The following ADGRL3 variants were observed in gnomAD, a reference collection of about 807,000 sequenced individuals.
ADGRL3 encodes the protein calcium-independent alpha-latrotoxin receptor 3.
A neutral mutation model predicts 153.5 loss-of-function variants in ADGRL3; 62 were observed. The ratio of observed to expected loss-of-function variants is 0.40; its 90% confidence interval spans 0.33 to 0.50. The LOEUF is 0.50. Ranked by LOEUF, ADGRL3 falls within the 20% of genes least tolerant of loss-of-function variation. ADGRL3 has a pLI of 0.47. For missense variants in ADGRL3, 1,641 were observed against 1,859.4 expected (o/e 0.88, Z 2.16); for synonymous variants, 710 against 672.5 (o/e 1.06, Z -0.86).
intron 6 of ADGRL3, among the ~76,000 whole-genome samples, chr4:61,681,317 A>G (rs150728996): frequency 2.8e-4 from 42 of 152,208 alleles, no homozygotes; most frequent in Middle Eastern, 6.8e-3. Flanking sequence ...GAGGCATACA[A>G]TTTCACGCAC....
At chr4:61,665,408 TAAAAAC>T (rs2094756304) in intron 5 of ADGRL3, among the ~76,000 whole-genome samples, 1 of 151,916 alleles carries the variant, frequency 6.6e-6, no homozygotes, top group Non-Finnish European at 1.5e-5. Context: ...GAAACTGTCT[TAAAAAC>T]AAAAACGAAA....
chr4:61,468,540 T>C (rs1478108990), intron 2 of ADGRL3, among the ~76,000 whole-genome samples: 1 of 152,186 alleles, frequency 6.6e-6, no homozygotes, highest in African/African-American at 2.4e-5. Context: ...TATCAAAGCC[T>C]TAACCTCAAA....
In ADGRL3 at chr4:61,201,219, G is replaced by C. The variant is rs1459896952; in HGVS notation, c.-786G>C. On this transcript the variant is annotated 5_prime_UTR_variant, in exon 1 of 27. Transcript: ENST00000683033. ...GAACTGGATATAAAGATCGGCTGGGGGGATGGTGGAAGATTTTTGGTCTCT... is the reference window on the plus strand; with the variant it reads ...GAACTGGATATAAAGATCGGCTGGGCGGATGGTGGAAGATTTTTGGTCTCT... The C allele has an allele frequency of 6.5e-6, 1 of 152,906 alleles. No individual in the cohort carries two copies. The highest frequency in any genetic ancestry group is 1.5e-5 in the Non-Finnish European group (1 of 68,162). The allele number at this position is 152,906 out of a possible 1,614,324, so 9.5% of individuals were successfully genotyped here.
chr4:61,283,259 A>G (rs1478291516), intron 1 of ADGRL3, among the ~76,000 whole-genome samples: 2 of 152,058 alleles, frequency 1.3e-5, no homozygotes, highest in Non-Finnish European at 2.9e-5. Context: ...TTTCTCTTCA[A>G]GTAACAAATG....
chr4:61,408,895 T>C (rs982976576), intron 2 of ADGRL3, among the ~76,000 whole-genome samples: 152 of 152,006 alleles, frequency 1.0e-3, no homozygotes, highest in African/African-American at 3.5e-3. Context: ...TTTTGTGGAT[T>C]AATTTCAAAT....
chr4:61,570,841 G>T (rs867007997), intron 4 of ADGRL3, among the ~76,000 whole-genome samples: 2 of 151,998 alleles, frequency 1.3e-5, no homozygotes, highest in African/African-American at 4.8e-5. Flanking sequence ...TTCTTGTCTT[G>T]TGTCTGTAGC....
rs76968899 is a variant in ADGRL3 at position 61,525,252 on chromosome 4, A to G, written c.259+7734A>G. Among the ~76,000 whole-genome samples, 262 of 152,234 alleles carry G rather than the reference A, an allele frequency of 1.7e-3. 9 individuals carry two copies. The East Asian group carries it at 0.043, about 25-fold the overall frequency. On this transcript the variant is annotated intron_variant, in intron 4 of 26. Coordinates refer to ENST00000683033, the MANE Select transcript of ADGRL3 (RefSeq NM_001387552.1). Reference sequence around the variant, plus strand: ...TATTTTAATTAACTCTTGAGAAAAAATTCCTAGGATAATTTGCAAGCATAG... The same window carrying G: ...TATTTTAATTAACTCTTGAGAAAAAGTTCCTAGGATAATTTGCAAGCATAG...
At chr4:61,458,315 G>A (rs1404453777) in intron 2 of ADGRL3, among the ~76,000 whole-genome samples, 1 of 151,084 alleles carries the variant, frequency 6.6e-6, no homozygotes, top group Non-Finnish European at 1.5e-5. Flanking sequence ...ATTTTTAAAT[G>A]TCAGCTAAAT....
At chr4:61,622,098 A>T (rs1430505802) in intron 5 of ADGRL3, among the ~76,000 whole-genome samples, 3 of 152,230 alleles carry the variant, frequency 2.0e-5, no homozygotes, top group Non-Finnish European at 2.9e-5. Flanking sequence ...GCATGTGTAC[A>T]GAACAAGGAA....
At chr4:61,379,633 A>G (rs1158963308) in intron 1 of ADGRL3, among the ~76,000 whole-genome samples, 1 of 152,066 alleles carries the variant, frequency 6.6e-6, no homozygotes, top group Non-Finnish European at 1.5e-5. Context: ...TCATTGACTC[A>G]TGAACCCTGA....
rs113124447 is a variant in ADGRL3, at chr4:61,446,568, C to G, written c.-173-50553C>G. 5.4e-3 allele frequency among the ~76,000 whole-genome samples: 816 copies of G among 152,254 alleles called. 8 individuals are homozygous for G. The highest frequency in any genetic ancestry group is 0.018 in the African/African-American group (753 of 41,544). On this transcript the variant is annotated intron_variant, in intron 2 of 26. Transcript: ENST00000683033. Reference sequence around the variant, plus strand: ...CATAGAGGATGAAATACCAACGATACTAGTTAATGGTCTGTCTGGCGCCAT... The same window carrying G: ...CATAGAGGATGAAATACCAACGATAGTAGTTAATGGTCTGTCTGGCGCCAT...
At chr4:61,895,282 A>G (rs1487140391) in intron 10 of ADGRL3, among the ~76,000 whole-genome samples, 2 of 152,088 alleles carry the variant, frequency 1.3e-5, no homozygotes, top group African/African-American at 4.8e-5. Context: ...CCTGGCCAAT[A>G]TGGTGAAACC....
chr4:61,717,250 C>T (rs1051716366), intron 6 of ADGRL3, among the ~76,000 whole-genome samples: 1 of 150,038 alleles, frequency 6.7e-6, no homozygotes, highest in East Asian at 2.0e-4. Flanking sequence ...AACAAACCAT[C>T]CAAAATTCAT....
intron 21 of ADGRL3, among the ~76,000 whole-genome samples, chr4:61,999,150 GA>G (rs1226992750): frequency 6.6e-6 from 1 of 152,158 alleles, no homozygotes; most frequent in African/African-American, 2.4e-5. Flanking sequence ...ACCTTCCTCT[GA>G]AATATTAACA....
intron 1 of ADGRL3, among the ~76,000 whole-genome samples, chr4:61,206,016 T>C (rs17828252): frequency 0.36 from 55,327 of 152,096 alleles, 11,198 homozygotes; most frequent in Middle Eastern, 0.49. Flanking sequence ...GCACAAAATG[T>C]AAAAGAGAAA....
chr4:61,618,485 A>G (rs111898852), intron 5 of ADGRL3, among the ~76,000 whole-genome samples: 85 of 152,274 alleles, frequency 5.6e-4, no homozygotes, highest in African/African-American at 2.0e-3. Context: ...ATCTGGGCCT[A>G]CTAGGCTGGG....
intron 17 of ADGRL3, among the ~76,000 whole-genome samples, chr4:61,948,687 C>G (rs543118294): frequency 6.6e-6 from 1 of 152,216 alleles, no homozygotes. Flanking sequence ...CTTGGGAAAG[C>G]AACCCTCAAG....
chr4:61,346,772 GA>G lies in ADGRL3; in HGVS notation c.-239-36351del, dbSNP rs1439924564. Among the ~76,000 whole-genome samples the G allele has an allele frequency of 5.2e-5, 6 of 114,442 alleles. No individual in the cohort carries two copies. In the East Asian group the frequency reaches 1.6e-3, roughly 31 times the overall value. 75.1% of individuals were successfully genotyped at this position (114,442 alleles called of 152,430 possible). A position where few individuals can be genotyped will look rare whatever the true frequency, so the allele number is the denominator to read the frequency against. ...GACTCCAGCCTGGGCATCAAAGCCA[GA>G]CCTGTCTCAAAAAAAAAAAAAAAAA... On this transcript the variant is annotated intron_variant, in intron 1 of 26. Coordinates refer to ENST00000683033, the MANE Select transcript of ADGRL3 (RefSeq NM_001387552.1).
chr4:61,247,848 A>C (rs1757696825), intron 1 of ADGRL3, among the ~76,000 whole-genome samples: 1 of 152,110 alleles, frequency 6.6e-6, no homozygotes, highest in African/African-American at 2.4e-5. Context: ...GCAATTGTCA[A>C]GAATGATACC....
Sources: gnomAD v4.1 joint callset for allele counts (sites outside exome capture counted in the v4.1 genomes callset) on GRCh38, gnomAD v4.1.1 for gene constraint, MANE v1.5 for transcripts, NCBI Gene and HGNC (gene_info 2026-07-23, HGNC 2026-07-21) for gene names.